The following EFHD1 variants were observed in gnomAD, a reference collection of about 807,000 sequenced individuals.
EFHD1 encodes the protein EF-hand domain-containing protein D1.
Under a neutral mutation model 17.2 loss-of-function variants are expected in EFHD1, and 10 were observed. The ratio of observed to expected loss-of-function variants is 0.58; its 90% CI spans 0.36 to 0.99. The LOEUF is 0.99. Ranked by LOEUF, EFHD1 falls within the 50% of genes least tolerant of loss-of-function variation. The pLI, the probability that EFHD1 is intolerant of heterozygous loss-of-function variation, is 0.01. For synonymous variants in EFHD1, 153 were observed against 142.0 expected (o/e 1.08, Z -0.55); for missense variants, 310 against 327.5 (o/e 0.95, Z 0.41).
chr2:232,623,535 G>T (rs1410404328), intron 1 of EFHD1, among the ~76,000 whole-genome samples: 1 of 151,726 alleles, frequency 6.6e-6, no homozygotes, highest in Admixed American at 6.6e-5. Flanking sequence ...TTAGCCAGGT[G>T]TGGTGGCAGG....
intron 1 of EFHD1, among the ~76,000 whole-genome samples, chr2:232,617,552 G>T (rs1196337699): frequency 1.3e-5 from 2 of 151,830 alleles, no homozygotes; most frequent in Admixed American, 1.3e-4. Context: ...TATTCGGGAG[G>T]CTGAGGCAGG....
intron 1 of EFHD1, among the ~76,000 whole-genome samples, chr2:232,641,138 G>T (rs1694424356): frequency 1.3e-5 from 2 of 152,128 alleles, no homozygotes; most frequent in Non-Finnish European, 1.5e-5. Context: ...CACCTCCCGG[G>T]CTCAAGTGAT....
chr2:232,636,231 C>G (rs532231844), intron 1 of EFHD1, among the ~76,000 whole-genome samples: 1 of 152,216 alleles, frequency 6.6e-6, no homozygotes, highest in African/African-American at 2.4e-5. Context: ...TTACTCATGG[C>G]AGCAGCAGTC....
chr2:232,656,820 A>G (rs938349321), intron 1 of EFHD1, among the ~76,000 whole-genome samples: 4 of 152,166 alleles, frequency 2.6e-5, no homozygotes, highest in Non-Finnish European at 2.9e-5. Flanking sequence ...ACAGGGTCGC[A>G]TGCTGTCACC....
chr2:232,616,164 G>T (rs1042066881), intron 1 of EFHD1, among the ~76,000 whole-genome samples: 1 of 152,134 alleles, frequency 6.6e-6, no homozygotes, highest in Non-Finnish European at 1.5e-5. Flanking sequence ...CAAACCTGGG[G>T]TATAGAGAAA....
At chr2:232,618,020 T>G (rs1304402216) in intron 1 of EFHD1, among the ~76,000 whole-genome samples, 1 of 151,658 alleles carries the variant, frequency 6.6e-6, no homozygotes, top group Non-Finnish European at 1.5e-5. Context: ...CAATTTAATT[T>G]AATTTATTTA....
chr2:232,607,095 G>A (rs924272839), intron 1 of EFHD1, among the ~76,000 whole-genome samples: 1 of 151,448 alleles, frequency 6.6e-6, no homozygotes, highest in Non-Finnish European at 1.5e-5. Flanking sequence ...GGGCTAAAGC[G>A]ATTCTCCCAC....
upstream of EFHD1, among the ~76,000 whole-genome samples, chr2:232,630,797 A>AAAG (rs1553596829): frequency 1.8e-3 from 247 of 138,110 alleles, 1 homozygote; most frequent in Middle Eastern, 3.6e-3. Flanking sequence ...AAAAAAAAAA[A>AAAG]AAAGAAAGAA....
intron 3 of EFHD1, among the ~76,000 whole-genome samples, chr2:232,672,673 T>C (rs951431413): frequency 6.6e-6 from 1 of 152,154 alleles, no homozygotes; most frequent in Non-Finnish European, 1.5e-5. Context: ...TTCATCTGTA[T>C]GATGGAGGGG....
At position 232,681,910 on chromosome 2, in the gene EFHD1, G is replaced by T. The variant is rs924570679; in HGVS notation, c.*191G>T. The stretch of plus-strand genomic sequence containing the variant: ...CCCCTCCAGGAGGGTCCTGGGGTGG[G>T]CCAGATGCCTGCCCACCTCTGTCTC... On this transcript the variant is annotated 3_prime_UTR_variant, in exon 4 of 4. Coordinates refer to ENST00000264059, the MANE Select transcript of EFHD1 (RefSeq NM_025202.4). 2.6e-5 allele frequency: 21 copies of T among 799,968 alleles called. No individual in the cohort carries two copies. In the African/African-American group the frequency reaches 3.5e-4, roughly 13 times the overall value. The allele number at this position is 799,968 out of a possible 1,614,324, so 49.6% of individuals were successfully genotyped here. A position where few individuals can be genotyped will look rare whatever the true frequency, so the allele number is the denominator to read the frequency against.
intron 1 of EFHD1, among the ~76,000 whole-genome samples, chr2:232,623,673 C>CAAAAA (rs756932393): frequency 1.3e-4 from 11 of 86,606 alleles, no homozygotes; most frequent in East Asian, 2.4e-4. Context: ...AGTCTCTGTC[C>CAAAAA]AAAAAAAAAA....
At chr2:232,654,726 C>A (rs1694728264) in intron 1 of EFHD1, among the ~76,000 whole-genome samples, 1 of 152,178 alleles carries the variant, frequency 6.6e-6, no homozygotes, top group Non-Finnish European at 1.5e-5. Context: ...CCGTGCCCTG[C>A]CAGAGGATGG....
rs184809095 is a variant in EFHD1, at chr2:232,636,089, C to T, written c.302+2083C>T. Among the ~76,000 whole-genome samples, 433 of 152,284 alleles carry T rather than the reference C, an allele frequency of 2.8e-3. 2 individuals carry two copies. The highest frequency in any genetic ancestry group is 0.02 in the Middle Eastern group (6 of 294). On this transcript the variant is annotated intron_variant, in intron 1 of 3. Transcript: ENST00000264059. ...GCCACCTTCCTCTCTGCGTTGTCCCCGTTCTCAGATGGCTCATCCTTGGTG... is the reference window on the plus strand; with the variant it reads ...GCCACCTTCCTCTCTGCGTTGTCCCTGTTCTCAGATGGCTCATCCTTGGTG...
In EFHD1 at chr2:232,620,530, T is replaced by A. The variant is rs538139953; in HGVS notation, c.14+14357T>A. On this transcript the variant is annotated intron_variant, in intron 1 of 3. Coordinates refer to the EFHD1 transcript ENST00000409613. ...CCTCCTGAGTAGCTGGGACTACAGG[T>A]GTGTGCCATCACTCCTGTCTGATTT... 1.8e-3 allele frequency among the ~76,000 whole-genome samples: 274 copies of A among 151,540 alleles called. 1 individual carries two copies. Among genetic ancestry groups the A allele is most frequent in the African/African-American group, 5.2e-3 (213 of 41,344 alleles).
At chr2:232,633,597 C>T (rs1403163705), upstream of EFHD1, 7 of 1,305,230 alleles carry the variant, frequency 5.4e-6, no homozygotes, top group Admixed American at 2.5e-4. Flanking sequence ...GTCCCCGCCG[C>T]CTCGGCGGAG....
chr2:232,647,003 T>C (rs1481566235), intron 1 of EFHD1, among the ~76,000 whole-genome samples: 1 of 152,226 alleles, frequency 6.6e-6, no homozygotes, highest in African/African-American at 2.4e-5. Flanking sequence ...TGGGAGGTAA[T>C]GTGAGCCTTC....
intron 1 of EFHD1, among the ~76,000 whole-genome samples, chr2:232,612,909 T>G (rs537172457): frequency 1.7e-3 from 265 of 151,906 alleles, no homozygotes; most frequent in African/African-American, 6.3e-3. Flanking sequence ...ATTTTTGTAT[T>G]TTTAGTAGAG....
chr2:232,678,474 A>G (rs915437285), intron 3 of EFHD1, among the ~76,000 whole-genome samples: 1 of 152,182 alleles, frequency 6.6e-6, no homozygotes. Context: ...TAAGAAAACA[A>G]TGCTTCTTTA....
intron 2 of EFHD1, among the ~76,000 whole-genome samples, chr2:232,663,516 G>C (rs1694914389): frequency 6.6e-6 from 1 of 151,962 alleles, no homozygotes; most frequent in Non-Finnish European, 1.5e-5. Flanking sequence ...ATTACAGTGT[G>C]CCACCAGGCC....
Sources: gnomAD v4.1 joint callset for allele counts (sites outside exome capture counted in the v4.1 genomes callset) on GRCh38, gnomAD v4.1.1 for gene constraint, MANE v1.5 for transcripts, NCBI Gene and HGNC (gene_info 2026-07-23, HGNC 2026-07-21) for gene names.